CAST: variants seen among roughly 807,000 people sequenced by gnomAD.
CAST encodes calpastatin.
A neutral mutation model predicts 119.6 loss-of-function variants in CAST; 76 were observed. That is an observed-to-expected ratio of 0.64 (90% CI 0.53 to 0.77). The LOEUF is 0.77. CAST is among the 30% of genes least tolerant of loss of function. CAST has a pLI of 0.00. For missense variants in CAST, 953 were observed against 946.5 expected, an observed-to-expected ratio of 1.01 and a Z score of -0.09; for synonymous variants, 319 against 331.6, an observed-to-expected ratio of 0.96 and a Z score of 0.41.
At chr5:96,468,116 A>G in the CAST span, among the ~76,000 whole-genome samples, 1 of 152,078 alleles carries the variant, frequency 6.6e-6, no homozygotes, top group African/African-American at 2.4e-5. Context: ...GGCTAAGTGA[A>G]GTAACTCAAG....
At chr5:96,249,757 AG>A in the CAST span, among the ~76,000 whole-genome samples, 313 of 152,360 alleles carry the variant, frequency 2.1e-3, 1 homozygote, top group African/African-American at 7.0e-3. Context: ...AATGAATATT[AG>A]GCATTAGGAA....
At chr5:96,136,345 CTTTTG>C in the CAST span, among the ~76,000 whole-genome samples, 15 of 135,388 alleles carry the variant, frequency 1.1e-4, no homozygotes, top group South Asian at 4.5e-4. Context: ...AATTGCACCT[CTTTTG>C]TTTTGTTTTG....
the CAST span, among the ~76,000 whole-genome samples, chr5:96,135,293 C>T: frequency 6.6e-6 from 1 of 151,956 alleles, no homozygotes; most frequent in African/African-American, 2.4e-5. Flanking sequence ...TTAAAGTCAG[C>T]CAGGAAGAAA....
At chr5:96,156,152 CTT>C in the CAST span, among the ~76,000 whole-genome samples, 4 of 152,252 alleles carry the variant, frequency 2.6e-5, no homozygotes, top group South Asian at 8.3e-4. Context: ...CTCAGGCTGA[CTT>C]TCCAACTTTG....
chr5:96,404,192 G>T, the CAST span, among the ~76,000 whole-genome samples: 7 of 152,184 alleles, frequency 4.6e-5, no homozygotes, highest in Non-Finnish European at 1.5e-5. Context: ...GGTGGATGAG[G>T]TTGTAGGAAA....
chr5:96,195,090 C>A, the CAST span, among the ~76,000 whole-genome samples: 2 of 152,206 alleles, frequency 1.3e-5, no homozygotes, highest in African/African-American at 2.4e-5. Flanking sequence ...TGCCAGAGGG[C>A]AGAACTAGAC....
the CAST span, among the ~76,000 whole-genome samples, chr5:96,043,930 GC>G: frequency 6.6e-6 from 1 of 152,120 alleles, no homozygotes; most frequent in Non-Finnish European, 1.5e-5. Flanking sequence ...TCACTGACAA[GC>G]ACCTTTCAAA....
chr5:96,430,392 A>G, the CAST span, among the ~76,000 whole-genome samples: 1 of 152,238 alleles, frequency 6.6e-6, no homozygotes, highest in Admixed American at 6.5e-5. Flanking sequence ...CTCATCGCCC[A>G]GAGAATTTTA....
intron 1 of CAST, among the ~76,000 whole-genome samples, chr5:96,632,283 T>C (rs1048268001): frequency 1.3e-5 from 2 of 151,472 alleles, no homozygotes; most frequent in Middle Eastern, 3.2e-3. Flanking sequence ...GCAAATACTT[T>C]TTCCCATTCT....
the CAST span, among the ~76,000 whole-genome samples, chr5:96,182,247 C>G: frequency 1.3e-5 from 2 of 152,122 alleles, no homozygotes; most frequent in Non-Finnish European, 2.9e-5. Context: ...CTAGTTAACC[C>G]GTTTGATGTC....
At chr5:96,675,195 A>G (rs1213822671) in intron 1 of CAST, among the ~76,000 whole-genome samples, 1 of 152,206 alleles carries the variant, frequency 6.6e-6, no homozygotes, top group African/African-American at 2.4e-5. Flanking sequence ...CAGATGAAAC[A>G]TGGTTCTTAT....
At chr5:96,075,135 G>A in the CAST span, among the ~76,000 whole-genome samples, 1 of 152,234 alleles carries the variant, frequency 6.6e-6, no homozygotes. Flanking sequence ...TTGTTCATTG[G>A]CTCACAGTCA....
intron 1 of CAST, among the ~76,000 whole-genome samples, chr5:96,568,730 C>T (rs1249364079): frequency 1.3e-5 from 2 of 151,694 alleles, no homozygotes; most frequent in African/African-American, 4.8e-5. Flanking sequence ...GGAATATTTA[C>T]TTTTTTTCCT....
At chr5:96,084,187 T>TA in the CAST span, among the ~76,000 whole-genome samples, 1 of 152,014 alleles carries the variant, frequency 6.6e-6, no homozygotes, top group Non-Finnish European at 1.5e-5. Context: ...ATAATAATAA[T>TA]AATAAAGTTC....
At chr5:96,365,401 T>C in the CAST span, among the ~76,000 whole-genome samples, 1 of 152,236 alleles carries the variant, frequency 6.6e-6, no homozygotes, top group East Asian at 1.9e-4. Context: ...GTCTCGTTGA[T>C]CTGTCTAATG....
At chr5:96,580,918 G>A (rs1746760166) in intron 1 of CAST, among the ~76,000 whole-genome samples, 1 of 152,208 alleles carries the variant, frequency 6.6e-6, no homozygotes. Flanking sequence ...CTATTGAAGA[G>A]GTCCAACGAA....
the CAST span, among the ~76,000 whole-genome samples, chr5:96,205,958 C>T: frequency 6.6e-6 from 1 of 152,124 alleles, no homozygotes; most frequent in East Asian, 1.9e-4. Flanking sequence ...TCCCTTTTCT[C>T]TGCAGCCTTG....
chr5:96,393,614 A>C, the CAST span, among the ~76,000 whole-genome samples: 1 of 152,192 alleles, frequency 6.6e-6, no homozygotes, highest in Admixed American at 6.5e-5. Context: ...CAGGTGGAAT[A>C]AGAGTACCTC....
intron 18 of CAST, among the ~76,000 whole-genome samples, chr5:96,748,076 A>C (rs1764162450): frequency 6.6e-6 from 1 of 152,212 alleles, no homozygotes; most frequent in Admixed American, 6.5e-5. Flanking sequence ...TGAAAGAACA[A>C]GGGGTAGCAG....
Sources: gnomAD v4.1 joint callset for allele counts (sites outside exome capture counted in the v4.1 genomes callset) on GRCh38, gnomAD v4.1.1 for gene constraint, MANE v1.5 for transcripts, NCBI Gene and HGNC (gene_info 2026-07-23, HGNC 2026-07-21) for gene names.